Variants in ATP8A2 observed in about 807,000 individuals in gnomAD.
The protein encoded by ATP8A2 is phospholipid-transporting ATPase IB.
In ATP8A2, 100 loss-of-function variants were observed where a neutral mutation model predicts 165.6. The observed-to-expected ratio is 0.60, with a 90% CI of 0.51 to 0.71. The LOEUF is 0.71. Among genes scored for constraint, ATP8A2 ranks in the 30% least tolerant of loss-of-function variants. The pLI is 0.00. For missense variants in ATP8A2, 1,227 were observed against 1,479.5 expected (o/e 0.83, Z 2.80); for synonymous variants, 543 against 548.8 (o/e 0.99, Z 0.15).
At chr13:25,490,862 C>T (rs918146520) in intron 2 of ATP8A2, among the ~76,000 whole-genome samples, 1 of 151,802 alleles carries the variant, frequency 6.6e-6, no homozygotes, top group African/African-American at 2.4e-5. Flanking sequence ...CCACCTCAAC[C>T]TCGTAAGTAG....
intron 24 of ATP8A2, among the ~76,000 whole-genome samples, chr13:25,676,366 G>T (rs1476560487): frequency 6.6e-6 from 1 of 152,092 alleles, no homozygotes; most frequent in Non-Finnish European, 1.5e-5. Context: ...TCTTCCCCCG[G>T]CTTGAGTTGT....
chr13:25,649,641 G>C (rs2041764130), intron 24 of ATP8A2, among the ~76,000 whole-genome samples: 1 of 152,128 alleles, frequency 6.6e-6, no homozygotes. Context: ...CTTGGGGTAA[G>C]CTTTGAGGTC....
intron 25 of ATP8A2, among the ~76,000 whole-genome samples, chr13:25,748,423 G>A (rs1452152532): frequency 6.6e-6 from 1 of 152,096 alleles, no homozygotes; most frequent in African/African-American, 2.4e-5. Context: ...AAGCTCTTTG[G>A]TTCGAGCATT....
intron 2 of ATP8A2, among the ~76,000 whole-genome samples, chr13:25,525,313 A>G (rs1347506900): frequency 3.9e-5 from 6 of 152,114 alleles, no homozygotes; most frequent in African/African-American, 1.4e-4. Flanking sequence ...TTTGGGCTTC[A>G]TACTAGAGTT....
intron 1 of ATP8A2, among the ~76,000 whole-genome samples, chr13:25,451,315 T>C (rs2035218716): frequency 6.6e-6 from 1 of 152,146 alleles, no homozygotes; most frequent in Admixed American, 6.5e-5. Context: ...TTGTTTGAGT[T>C]CCCCTCTCAC....
At chr13:25,821,615 A>T (rs1233029370) in intron 27 of ATP8A2, among the ~76,000 whole-genome samples, 1 of 152,228 alleles carries the variant, frequency 6.6e-6, no homozygotes, top group African/African-American at 2.4e-5. Context: ...TGTAACAAAC[A>T]TCTGTTAGAA....
In ATP8A2 at chr13:25,395,904, C is replaced by T. The variant is rs576321842; in HGVS notation, c.76+23616C>T. Reference sequence around the variant, plus strand: ...CTGTCCCCAGGCTGGAGTGCAGTGGCGCAATCTCAGCTCACTGCTACCTCC... The same window carrying T: ...CTGTCCCCAGGCTGGAGTGCAGTGGTGCAATCTCAGCTCACTGCTACCTCC... On this transcript the variant is annotated intron_variant, in intron 1 of 36. Coordinates refer to ENST00000381655, the MANE Select transcript of ATP8A2 (RefSeq NM_016529.6). 8.6e-5 allele frequency among the ~76,000 whole-genome samples: 13 copies of T among 151,792 alleles called. 1 individual carries two copies. The highest frequency in any genetic ancestry group is 6.3e-4 in the South Asian group (3 of 4,800).
chr13:25,559,661 C>T, intron 14 of ATP8A2, 60 bp from the exon 15 acceptor site: 2 of 1,252,314 alleles, frequency 1.6e-6, no homozygotes, highest in South Asian at 2.4e-5. Flanking sequence ...CAGTTTTGAT[C>T]AGAATGTCTG....
chr13:25,402,542 A>G (rs1488197047), intron 1 of ATP8A2, among the ~76,000 whole-genome samples: 1 of 152,186 alleles, frequency 6.6e-6, no homozygotes, highest in Non-Finnish European at 1.5e-5. Flanking sequence ...AATCAAACAT[A>G]TGATTTATTG....
intron 25 of ATP8A2, among the ~76,000 whole-genome samples, chr13:25,747,760 A>T (rs1315182971): frequency 6.6e-6 from 1 of 152,178 alleles, no homozygotes; most frequent in East Asian, 1.9e-4. Context: ...CATTTTACAG[A>T]TTAGGACAGA....
At chr13:25,969,868 G>A (rs1363680554) in intron 35 of ATP8A2, among the ~76,000 whole-genome samples, 2 of 152,154 alleles carry the variant, frequency 1.3e-5, no homozygotes, top group Non-Finnish European at 2.9e-5. Context: ...TTTTACCGCA[G>A]ATGTACATAT....
intron 27 of ATP8A2, among the ~76,000 whole-genome samples, chr13:25,805,283 C>G (rs1042261532): frequency 6.6e-6 from 1 of 151,862 alleles, no homozygotes; most frequent in African/African-American, 2.4e-5. Flanking sequence ...CTGGGGTGGA[C>G]ATATCACTTG....
Position 25,718,552 on chromosome 13 carries a change from T to C in ATP8A2, c.2384+19207T>C, listed in dbSNP as rs2043305041. Among the ~76,000 whole-genome samples, 4 of 152,242 alleles carry C rather than the reference T, an allele frequency of 2.6e-5. 1 individual carries two copies. The South Asian group carries it at 8.3e-4, about 32-fold the overall frequency. ...CCATTCTATTGTGTCTAGAGAAGTATCCAGGGAGAGGGTTGTTTGTTTTTA... is the reference window on the plus strand; with the variant it reads ...CCATTCTATTGTGTCTAGAGAAGTACCCAGGGAGAGGGTTGTTTGTTTTTA... On this transcript the variant is annotated intron_variant, in intron 25 of 36. Transcript: ENST00000381655.
chr13:26,010,453 G>A (rs1956822921), intron 35 of ATP8A2, among the ~76,000 whole-genome samples: 1 of 152,220 alleles, frequency 6.6e-6, no homozygotes, highest in African/African-American at 2.4e-5. Context: ...CCCCATGTGG[G>A]GCCTGGCTGG....
intron 24 of ATP8A2, among the ~76,000 whole-genome samples, chr13:25,685,057 C>A (rs532526105): frequency 6.6e-6 from 1 of 152,322 alleles, no homozygotes; most frequent in Middle Eastern, 3.4e-3. Context: ...TACAAATTGA[C>A]TCCTCCTGCT....
At position 25,953,522 on chromosome 13, in the gene ATP8A2, TA is replaced by T. The variant is rs374397075; in HGVS notation, c.3184-8029del. On this transcript the variant is annotated intron_variant, in intron 33 of 36. Transcript: ENST00000381655. The surrounding 1 kb of genome is among the most constrained non-coding windows in gnomAD (Gnocchi z 6.7). ...GTAGCCCTGGTTACTCCAGCCTTTT[TA>T]AAAAAAAAAAAAAAAAAAAAAAAGC... Among the ~76,000 whole-genome samples, 30,196 of 95,028 alleles carry T rather than the reference TA, an allele frequency of 0.32. 4,066 individuals carry two copies. The highest frequency in any genetic ancestry group is 0.39 in the Non-Finnish European group (19,088 of 49,054). The allele number at this position is 95,028 out of a possible 152,430, so 62.3% of individuals were successfully genotyped here.
intron 27 of ATP8A2, among the ~76,000 whole-genome samples, chr13:25,813,446 A>C (rs947697131): frequency 2.6e-5 from 3 of 115,942 alleles, no homozygotes; most frequent in African/African-American, 1.0e-4. Flanking sequence ...TGATATGGTG[A>C]TATGATGATG....
intron 20 of ATP8A2, among the ~76,000 whole-genome samples, chr13:25,577,716 A>T (rs927843710): frequency 2.6e-5 from 4 of 152,204 alleles, no homozygotes; most frequent in African/African-American, 9.7e-5. Flanking sequence ...GTTATTGCTT[A>T]TGAGTCTTAC....
intron 26 of ATP8A2, among the ~76,000 whole-genome samples, chr13:25,771,615 C>T (rs1171965248): frequency 6.6e-6 from 1 of 152,150 alleles, no homozygotes; most frequent in African/African-American, 2.4e-5. Flanking sequence ...GAGCAGGGAG[C>T]GAGGCTTTAA....
Sources: gnomAD v4.1 joint callset for allele counts (sites outside exome capture counted in the v4.1 genomes callset) on GRCh38, gnomAD v4.1.1 for gene constraint, Gnocchi (gnomAD v3.1) non-coding constraint, MANE v1.5 for transcripts, NCBI Gene and HGNC (gene_info 2026-07-23, HGNC 2026-07-21) for gene names.